SHQ1: variants seen among roughly 807,000 people sequenced by gnomAD.
The protein encoded by SHQ1 is protein SHQ1 homolog.
Under a neutral mutation model 53.8 loss-of-function variants are expected in SHQ1, and 49 were observed. The observed-to-expected ratio is 0.91, with a 90% CI of 0.72 to 1.16. The LOEUF is 1.16. SHQ1 is among the 50% of genes most tolerant of loss of function. The pLI is 0.00. For synonymous variants in SHQ1, 243 were observed against 251.0 expected, an observed-to-expected ratio of 0.97 and a Z score of 0.30; for missense variants, 738 against 683.1, an observed-to-expected ratio of 1.08 and a Z score of -0.90.
intron 10 of SHQ1, chr3:72,753,230 A>C: frequency 2.0e-6 from 2 of 985,428 alleles, no homozygotes; most frequent in Non-Finnish European, 2.4e-6. Context: ...TTAAATGAAC[A>C]TACAAAACAT....
the SHQ1 span, among the ~76,000 whole-genome samples, chr3:72,743,424 C>G: frequency 6.6e-6 from 1 of 152,104 alleles, no homozygotes; most frequent in Non-Finnish European, 1.5e-5. Flanking sequence ...GGAGGGACAG[C>G]AACAGGAAAA....
chr3:72,809,926 T>G (rs1467419981), intron 9 of SHQ1: 1 of 147,398 alleles, frequency 6.8e-6, no homozygotes, highest in Non-Finnish European at 1.5e-5. Flanking sequence ...GCCACTGTAC[T>G]CCAGCCTTGG....
intron 7 of SHQ1, among the ~76,000 whole-genome samples, chr3:72,816,345 C>T (rs1367743228): frequency 1.3e-5 from 2 of 152,086 alleles, no homozygotes; most frequent in Non-Finnish European, 2.9e-5. Context: ...TTTCTGATGA[C>T]TGAAATTACA....
Position 72,749,986 on chromosome 3 carries a change from A to G in SHQ1, c.*298T>C. The G allele has an allele frequency of 2.8e-6, 1 of 357,826 alleles. No homozygotes were observed. Among genetic ancestry groups the G allele is most frequent in the South Asian group, 4.5e-5 (1 of 22,098 alleles). 22.2% of individuals were successfully genotyped at this position (357,826 alleles called of 1,614,324 possible). A position where few individuals can be genotyped will look rare whatever the true frequency, so the allele number is the denominator to read the frequency against. On this transcript the variant is annotated 3_prime_UTR_variant, in exon 11 of 11. Transcript: ENST00000325599. ...ACCCACATCCTCCTGCACAGTTTAA[A>G]TCATCACTAGATTACTTATATTACC...
chr3:72,768,043 G>T (rs1199803999), intron 10 of SHQ1, among the ~76,000 whole-genome samples: 1 of 151,878 alleles, frequency 6.6e-6, no homozygotes, highest in African/African-American at 2.4e-5. Flanking sequence ...CCTAGAAGGA[G>T]CAGTTTACAA....
chr3:72,744,969 T>C (rs963787696), downstream of SHQ1, among the ~76,000 whole-genome samples: 9 of 150,738 alleles, frequency 6.0e-5, no homozygotes, highest in African/African-American at 1.9e-4. Context: ...TTATAATTAA[T>C]ACACTCTTAG....
At chr3:72,751,301 A>C (rs1306804313) in intron 10 of SHQ1, among the ~76,000 whole-genome samples, 1 of 151,918 alleles carries the variant, frequency 6.6e-6, no homozygotes, top group Non-Finnish European at 1.5e-5. Context: ...AATCCCAGCC[A>C]CTTGGGTGGA....
the SHQ1 span, among the ~76,000 whole-genome samples, chr3:72,742,649 C>T: frequency 7.6e-6 from 1 of 131,584 alleles, no homozygotes; most frequent in Non-Finnish European, 1.6e-5. Flanking sequence ...TGGAGTCTCA[C>T]TCTGTTGTCC....
rs184650173 is a variant in SHQ1, at chr3:72,807,563, A to G, written c.1060+5108T>C. Among the ~76,000 whole-genome samples the G allele has an allele frequency of 2.1e-3, 320 of 152,348 alleles. 2 individuals are homozygous for G. Among genetic ancestry groups the G allele is most frequent in the Non-Finnish European group, 2.3e-3 (157 of 68,038 alleles). On this transcript the variant is annotated intron_variant, in intron 9 of 10. Coordinates refer to ENST00000325599, the MANE Select transcript of SHQ1 (RefSeq NM_018130.3). ...TCATCTTTTAGTTTTCGAGTTTGCA[A>G]TATCTCCTCTACAATTCAATTTTTT...
chr3:72,740,364 T>C, the SHQ1 span, among the ~76,000 whole-genome samples: 4 of 152,216 alleles, frequency 2.6e-5, no homozygotes, highest in Admixed American at 6.5e-5. Context: ...GGCAGCCATC[T>C]TGAGACATGA....
intron 10 of SHQ1, among the ~76,000 whole-genome samples, chr3:72,763,104 T>TCTAGTA (rs1705648369): frequency 6.6e-6 from 1 of 151,848 alleles, no homozygotes; most frequent in Admixed American, 6.6e-5. Context: ...TTAAATAATT[T>TCTAGTA]CTAGTACAAG....
chr3:72,753,902 A>G (rs1333450878), intron 10 of SHQ1, among the ~76,000 whole-genome samples: 3 of 152,222 alleles, frequency 2.0e-5, no homozygotes, highest in Non-Finnish European at 4.4e-5. Context: ...GAGCTGCTGC[A>G]AAGTTCAGTC....
At position 72,789,093 on chromosome 3, in the gene SHQ1, A is replaced by AAAG. The variant is rs1211779230; in HGVS notation, c.1181+3822_1181+3823insCTT. Among the ~76,000 whole-genome samples, 735 of 152,188 alleles carry AAAG rather than the reference A, an allele frequency of 4.8e-3. 7 individuals are homozygous for AAAG. The highest frequency in any genetic ancestry group is 0.016 in the African/African-American group (646 of 41,516). On this transcript the variant is annotated intron_variant, in intron 10 of 10. Transcript: ENST00000325599. ...GATCAATAAACACTAAAAAAAAAAA[A>AAAG]AAAAAGAAAAATAAACTTGTTACAT...
chr3:72,848,346 C>T lies in SHQ1; in HGVS notation c.-6G>A. ...TCGAACGCCGGGGTCAGCATCGCCG[C>T]ACCGGACGCAAGGGCCGGCGCCGCT... On this transcript the variant is annotated 5_prime_UTR_variant, in exon 1 of 11. Transcript: ENST00000325599. 1 of 1,613,646 alleles carries T rather than the reference C, an allele frequency of 6.2e-7. No homozygotes were observed. The highest frequency in any genetic ancestry group is 1.7e-5 in the Admixed American group (1 of 59,984).
chr3:72,764,590 A>G (rs1705682076), intron 10 of SHQ1, among the ~76,000 whole-genome samples: 1 of 152,352 alleles, frequency 6.6e-6, no homozygotes, highest in East Asian at 1.9e-4. Context: ...AAGGCAATTG[A>G]CTTCAATGGC....
chr3:72,734,737 G>T, the SHQ1 span, among the ~76,000 whole-genome samples: 8 of 151,668 alleles, frequency 5.3e-5, no homozygotes, highest in Non-Finnish European at 1.2e-4. Context: ...TATGAATACA[G>T]TAGGTGCTCA....
At chr3:72,748,213 T>C (rs1043569803), downstream of SHQ1, among the ~76,000 whole-genome samples, 8 of 151,646 alleles carry the variant, frequency 5.3e-5, no homozygotes, top group African/African-American at 1.2e-4. Context: ...ACTACTTCCA[T>C]GTCACTGGAC....
intron 10 of SHQ1, among the ~76,000 whole-genome samples, chr3:72,779,238 A>T (rs548078249): frequency 6.6e-6 from 1 of 152,234 alleles, no homozygotes; most frequent in South Asian, 2.1e-4. Context: ...ACCTTCTTGC[A>T]ATTTCTTGAA....
chr3:72,784,109 A>C (rs1263274431), intron 10 of SHQ1, among the ~76,000 whole-genome samples: 8 of 151,762 alleles, frequency 5.3e-5, no homozygotes, highest in Non-Finnish European at 8.8e-5. Context: ...TGCAAATCTA[A>C]AACTATTCTA....
Sources: allele counts gnomAD v4.1 joint callset (sites outside exome capture counted in the v4.1 genomes callset), GRCh38; gene constraint gnomAD v4.1.1; transcripts MANE v1.5; gene names NCBI Gene and HGNC (gene_info 2026-07-23, HGNC 2026-07-21).